The following HDAC4 variants were observed in gnomAD, a reference collection of about 807,000 sequenced individuals.
The protein encoded by HDAC4 is histone deacetylase A.
In HDAC4, 16 loss-of-function variants were observed where a neutral mutation model predicts 135.1. The ratio of observed to expected loss-of-function variants is 0.12; its 90% confidence interval spans 0.08 to 0.18. The LOEUF (loss-of-function observed/expected upper bound fraction) is 0.18. Ranked by LOEUF, HDAC4 falls within the 10% of genes least tolerant of loss-of-function variation. HDAC4 has a pLI of 1.00. For synonymous variants in HDAC4, 685 were observed against 653.4 expected (o/e 1.05, Z -0.74); for missense variants, 1,143 against 1,511.8 (o/e 0.76, Z 4.05).
At chr2:239,247,818 AT>A (rs2048553691) in intron 2 of HDAC4, among the ~76,000 whole-genome samples, 1 of 152,188 alleles carries the variant, frequency 6.6e-6, no homozygotes, top group Non-Finnish European at 1.5e-5. Flanking sequence ...CAAAGCAGAG[AT>A]CCCTCCCTGG....
chr2:239,350,326 G>A (rs967974410), intron 2 of HDAC4, among the ~76,000 whole-genome samples: 4 of 151,326 alleles, frequency 2.6e-5, no homozygotes, highest in Non-Finnish European at 4.4e-5. Flanking sequence ...AATGTAAAAA[G>A]AATATTATAA....
At chr2:239,281,093 ACC>A (rs1414893695) in intron 2 of HDAC4, among the ~76,000 whole-genome samples, 4 of 131,606 alleles carry the variant, frequency 3.0e-5, no homozygotes, top group African/African-American at 1.2e-4. Flanking sequence ...CAATGTACAC[ACC>A]ACTCTACACA....
At chr2:239,079,616 C>T (rs1019348265) in intron 22 of HDAC4, among the ~76,000 whole-genome samples, 1 of 152,240 alleles carries the variant, frequency 6.6e-6, no homozygotes, top group Non-Finnish European at 1.5e-5. Flanking sequence ...GTGGTAGAGT[C>T]CACACAAGAC....
At chr2:239,097,459 CAT>C (rs918571585) in intron 16 of HDAC4, among the ~76,000 whole-genome samples, 24 of 152,242 alleles carry the variant, frequency 1.6e-4, no homozygotes, top group Admixed American at 1.5e-3. Context: ...CCCGTGTCCA[CAT>C]GTCAGCGTGG....
intron 2 of HDAC4, among the ~76,000 whole-genome samples, chr2:239,286,703 AAAG>A (rs1389286369): frequency 6.6e-6 from 1 of 152,018 alleles, no homozygotes; most frequent in Non-Finnish European, 1.5e-5. Flanking sequence ...ATCAAGGACA[AAAG>A]AAGATGTGAC....
intron 2 of HDAC4, among the ~76,000 whole-genome samples, chr2:239,269,277 CCACA>C (rs971141247): frequency 3.0e-5 from 4 of 134,430 alleles, no homozygotes; most frequent in African/African-American, 6.9e-5. Flanking sequence ...ATTCACACAC[CCACA>C]CACATTCACA....
chr2:239,323,854 A>G (rs890075444), intron 2 of HDAC4, among the ~76,000 whole-genome samples: 1 of 152,188 alleles, frequency 6.6e-6, no homozygotes, highest in Admixed American at 6.5e-5. Flanking sequence ...CCACAAAAAC[A>G]TTCATTTTTA....
rs115744097 is a variant in HDAC4, at chr2:239,231,275, C to T, written c.94+5318G>A. 8.2e-3 allele frequency among the ~76,000 whole-genome samples: 1,250 copies of T among 152,320 alleles called. 17 individuals are homozygous for T. Among genetic ancestry groups the T allele is most frequent in the African/African-American group, 0.028 (1,166 of 41,570 alleles). ...CGTGCTTCTCTTTAGTCCAGCATCC[C>T]GGTCTTAACATCGGCCTCTACTTCC... On this transcript the variant is annotated intron_variant, in intron 3 of 26. Coordinates refer to ENST00000543185, the MANE Select transcript of HDAC4 (RefSeq NM_001378414.1).
At chr2:239,055,716 C>CAAAA (rs201658364) in intron 24 of HDAC4, among the ~76,000 whole-genome samples, 1 of 71,054 alleles carries the variant, frequency 1.4e-5, no homozygotes, top group Non-Finnish European at 3.1e-5. Context: ...GACCCTGTCT[C>CAAAA]AAAAAAAAAA....
chr2:239,174,283 A>AGGGTTGATT (rs1336566776), intron 5 of HDAC4, among the ~76,000 whole-genome samples: 1 of 152,350 alleles, frequency 6.6e-6, no homozygotes, highest in East Asian at 1.9e-4. Flanking sequence ...CAACTGGCCA[A>AGGGTTGATT]GGGTTGATTC....
chr2:239,258,565 A>T (rs2049175502), intron 2 of HDAC4, among the ~76,000 whole-genome samples: 1 of 152,226 alleles, frequency 6.6e-6, no homozygotes, highest in African/African-American at 2.4e-5. Flanking sequence ...AGAATCCTCT[A>T]ACCAGCACGG....
rs2152799465 is a variant in HDAC4, at chr2:239,111,620, G to A, written c.1884C>T (p.Gly628=). Residue 628 remains glycine (G), a synonymous_variant, in exon 14 of 27, where the codon GGC becomes GGT. Transcript: ENST00000543185. ...ACTGCGCCCGGGACAGAGGCCTGTG[G>A]CCGCCGAAGGACACGGGGATGCCGG... The part of the protein sequence containing the change: ...EAAGIPVSFG[G]HRPLSRAQSS... The A allele has an allele frequency of 4.3e-6, 7 of 1,609,860 alleles. No homozygotes were observed. The highest frequency in any genetic ancestry group is 5.9e-6 in the Non-Finnish European group (7 of 1,178,800).
intron 2 of HDAC4, among the ~76,000 whole-genome samples, chr2:239,267,697 G>A (rs1399976405): frequency 3.3e-5 from 5 of 152,376 alleles, no homozygotes; most frequent in East Asian, 1.9e-4. Context: ...CCTTCTACAC[G>A]GCAATGGGGA....
chr2:239,099,697 C>G (rs890411849), intron 16 of HDAC4, among the ~76,000 whole-genome samples: 2 of 152,202 alleles, frequency 1.3e-5, no homozygotes, highest in African/African-American at 4.8e-5. Flanking sequence ...CCCGCCTCCG[C>G]TAGGTACTCC....
chr2:239,298,900 ACT>A (rs1184511869), intron 2 of HDAC4, among the ~76,000 whole-genome samples: 1 of 110,810 alleles, frequency 9.0e-6, no homozygotes, highest in Non-Finnish European at 1.7e-5. Flanking sequence ...AGATGCAGTC[ACT>A]CTGTCGCCCA....
intron 2 of HDAC4, among the ~76,000 whole-genome samples, chr2:239,253,480 T>C (rs2048895660): frequency 6.6e-6 from 1 of 152,180 alleles, no homozygotes; most frequent in South Asian, 2.1e-4. Context: ...CTCCTTGCTT[T>C]GATGTTCTGA....
At chr2:239,327,380 A>G (rs1359427471) in intron 2 of HDAC4, among the ~76,000 whole-genome samples, 1 of 152,184 alleles carries the variant, frequency 6.6e-6, no homozygotes, top group Non-Finnish European at 1.5e-5. Context: ...ACTGGGGCCC[A>G]GGTCCCCTGC....
rs970130970 is a variant in HDAC4, at chr2:239,236,594, C to T, written c.93G>A (p.Thr31=). 35 of 1,551,472 alleles carry T rather than the reference C, an allele frequency of 2.3e-5. No homozygotes were observed. The highest frequency in any genetic ancestry group is 1.2e-4 in the East Asian group (5 of 40,920). ...NPARVNHMPS[T]VDVATALPLQ... is the part of the protein sequence containing the mutation. ...CAGGGCAGGGGTGGGCGGACTTACCCGTGCTGGGCATGTGGTTCACGCGGG... is the reference window on the plus strand; with the variant it reads ...CAGGGCAGGGGTGGGCGGACTTACCTGTGCTGGGCATGTGGTTCACGCGGG... The change falls in exon 3 of 27, where the codon ACG becomes ACA. Residue 31 remains threonine (T), a splice_region_variant and synonymous_variant. Transcript: ENST00000543185.
At chr2:239,389,729 G>A (rs1374584226) in intron 1 of HDAC4, among the ~76,000 whole-genome samples, 3 of 152,166 alleles carry the variant, frequency 2.0e-5, no homozygotes, top group East Asian at 1.9e-4. Context: ...CACTGAGGAC[G>A]CTACTGGCGG....
Sources: allele counts gnomAD v4.1 joint callset (sites outside exome capture counted in the v4.1 genomes callset), GRCh38; gene constraint gnomAD v4.1.1; transcripts MANE v1.5; gene names NCBI Gene and HGNC (gene_info 2026-07-23, HGNC 2026-07-21).